PAQR7: variants seen among roughly 807,000 people sequenced by gnomAD.
PAQR7 encodes the protein progestin and adipoQ receptor family member 7.
Under a neutral mutation model 24.6 loss-of-function variants are expected in PAQR7, and 14 were observed. That is an observed-to-expected ratio of 0.57 (90% CI 0.38 to 0.89). The LOEUF is 0.89. PAQR7 is among the 40% of genes least tolerant of loss of function. The pLI, the probability that PAQR7 is intolerant of heterozygous loss-of-function variation, is 0.00. For synonymous variants in PAQR7, 189 were observed against 198.8 expected (o/e 0.95, Z 0.42); for missense variants, 351 against 444.0 (o/e 0.79, Z 1.88).
At chr1:25,875,000 C>T (rs1429266815) in intron 1 of PAQR7, among the ~76,000 whole-genome samples, 2 of 152,210 alleles carry the variant, frequency 1.3e-5, no homozygotes, top group African/African-American at 2.4e-5. Flanking sequence ...CCCTTCCTGT[C>T]CCGGTCTCAC....
At chr1:25,871,652 TAC>T (rs1192994252) in intron 1 of PAQR7, among the ~76,000 whole-genome samples, 3 of 152,068 alleles carry the variant, frequency 2.0e-5, no homozygotes, top group Non-Finnish European at 4.4e-5. Context: ...TCTCCAAGGA[TAC>T]ACACTGTCAA....
intron 2 of PAQR7, among the ~76,000 whole-genome samples, chr1:25,865,701 G>A (rs1363214223): frequency 1.3e-5 from 2 of 152,158 alleles, no homozygotes; most frequent in African/African-American, 2.4e-5. Flanking sequence ...CCAGCTACTC[G>A]GGAGCTGAGG....
chr1:25,868,190 CTT>C (rs2048573327), intron 2 of PAQR7, among the ~76,000 whole-genome samples: 3 of 152,204 alleles, frequency 2.0e-5, no homozygotes, highest in Admixed American at 6.5e-5. Flanking sequence ...GGGCAACTCT[CTT>C]GTTTTACACT....
At chr1:25,870,060 T>C (rs979131689) in intron 2 of PAQR7, among the ~76,000 whole-genome samples, 1 of 152,052 alleles carries the variant, frequency 6.6e-6, no homozygotes, top group Non-Finnish European at 1.5e-5. Context: ...CCTGACTCCA[T>C]GGAAAGGGAC....
intron 2 of PAQR7, among the ~76,000 whole-genome samples, chr1:25,867,755 C>A (rs1373485992): frequency 2.6e-5 from 4 of 152,242 alleles, no homozygotes; most frequent in African/African-American, 9.6e-5. Flanking sequence ...ACCCCACCCC[C>A]ACAAGCCCAC....
intron 2 of PAQR7, among the ~76,000 whole-genome samples, chr1:25,869,257 G>A (rs540822567): frequency 3.3e-5 from 5 of 151,658 alleles, no homozygotes; most frequent in African/African-American, 7.3e-5. Context: ...TTGTTGTTGC[G>A]GATAATGAAA....
chr1:25,863,706 G>GGCTTCCAGAAGA lies in PAQR7; in HGVS notation c.122_133dup (p.Leu41_Lys44dup). ...CGGCCGGTAGCCCGCATAGATGTAC[G>GGCTTCCAGAAGA]GCTTCCAGAAGAGCGGCGGCACCTC... On this transcript the variant is annotated inframe_insertion, in exon 3 of 3. Coordinates refer to ENST00000675840, the MANE Select transcript of PAQR7 (RefSeq NM_178422.6). This position sits in a 1 kb window ranked among gnomAD's most constrained non-coding sequence, Gnocchi z 6.1. 1 of 1,614,160 alleles carries GGCTTCCAGAAGA rather than the reference G, an allele frequency of 6.2e-7. No individual in the cohort carries two copies. The highest frequency in any genetic ancestry group is 1.1e-5 in the South Asian group (1 of 91,080).
intron 2 of PAQR7, among the ~76,000 whole-genome samples, chr1:25,864,091 G>A (rs1043164979): frequency 6.6e-6 from 1 of 152,154 alleles, no homozygotes; most frequent in Non-Finnish European, 1.5e-5. Context: ...CACATAGTAG[G>A]TGCTCAATAA....
chr1:25,874,642 C>T (rs1360874015), intron 1 of PAQR7, among the ~76,000 whole-genome samples: 1 of 152,186 alleles, frequency 6.6e-6, no homozygotes, highest in East Asian at 1.9e-4. Context: ...CTGGGCTGTC[C>T]ACCCAGGAGC....
At chr1:25,868,403 C>T (rs1195612640) in intron 2 of PAQR7, among the ~76,000 whole-genome samples, 1 of 152,148 alleles carries the variant, frequency 6.6e-6, no homozygotes, top group Non-Finnish European at 1.5e-5. Flanking sequence ...CAAGATATAA[C>T]AGCACATTAA....
chr1:25,865,013 A>G (rs2048544986), intron 2 of PAQR7, among the ~76,000 whole-genome samples: 2 of 151,992 alleles, frequency 1.3e-5, no homozygotes, highest in Admixed American at 1.3e-4. Context: ...AAATTTAGCC[A>G]GGTGAGGTGG....
intron 1 of PAQR7, among the ~76,000 whole-genome samples, chr1:25,873,545 A>G (rs2048621563): frequency 6.6e-6 from 1 of 150,970 alleles, no homozygotes; most frequent in African/African-American, 2.4e-5. Flanking sequence ...ACCTCCATGT[A>G]TTTGTACTGG....
intron 1 of PAQR7, among the ~76,000 whole-genome samples, chr1:25,873,721 A>C (rs973226101): frequency 2.0e-5 from 3 of 151,718 alleles, no homozygotes; most frequent in Non-Finnish European, 2.9e-5. Flanking sequence ...CAGGCACACA[A>C]CACCACGCCT....
chr1:25,863,834 G>A lies in PAQR7; in HGVS notation c.6C>T (p.Ala2=). The A allele has an allele frequency of 8.1e-6, 13 of 1,610,482 alleles. No individual in the cohort carries two copies. The highest frequency in any genetic ancestry group is 1.1e-5 in the Non-Finnish European group (13 of 1,178,126). ...GGAGGTGGCTGAGTTTCTGGGCCATGGCCATGGCTGTGGGCCTGGGCAGGG... is the reference window on the plus strand; with the variant it reads ...GGAGGTGGCTGAGTTTCTGGGCCATAGCCATGGCTGTGGGCCTGGGCAGGG... M[A]MAQKLSHLLP... The change falls in exon 3 of 3, where the codon GCC becomes GCT. Residue 2 remains alanine (A), a synonymous_variant. Transcript: ENST00000675840. This position sits in a 1 kb window ranked among gnomAD's most constrained non-coding sequence, Gnocchi z 6.1.
At chr1:25,869,322 A>G (rs2048584153) in intron 2 of PAQR7, among the ~76,000 whole-genome samples, 2 of 152,140 alleles carry the variant, frequency 1.3e-5, no homozygotes, top group Non-Finnish European at 2.9e-5. Flanking sequence ...CTGTAATCCC[A>G]GCTCACTGGG....
At position 25,863,906 on chromosome 1, in the gene PAQR7, C is replaced by A; in HGVS notation, c.-22-45G>T. The A allele has an allele frequency of 2.7e-6, 4 of 1,465,432 alleles. No homozygotes were observed. Among genetic ancestry groups the A allele is most frequent in the Non-Finnish European group, 2.7e-6 (3 of 1,091,430 alleles). The allele number at this position is 1,465,432 out of a possible 1,614,324, so 90.8% of individuals were successfully genotyped here. A position where few individuals can be genotyped will look rare whatever the true frequency, so the allele number is the denominator to read the frequency against. On this transcript the variant is annotated intron_variant, in intron 2 of 2. Transcript: ENST00000675840. The surrounding 1 kb of genome is among the most constrained non-coding windows in gnomAD (Gnocchi z 6.1). ...AAAGTCAGGGGCCTGGTGTCCTCAC[C>A]CCCACGAGCAGCAGCTGGGGGGCTC...
At chr1:25,872,692 G>A (rs576340710) in intron 1 of PAQR7, among the ~76,000 whole-genome samples, 8 of 152,052 alleles carry the variant, frequency 5.3e-5, no homozygotes, top group Admixed American at 1.3e-4. Context: ...TAAATTATGT[G>A]TAGAGACGAG....
At chr1:25,873,883 T>C (rs2048624553) in intron 1 of PAQR7, among the ~76,000 whole-genome samples, 1 of 152,130 alleles carries the variant, frequency 6.6e-6, no homozygotes, top group Admixed American at 6.5e-5. Flanking sequence ...ATTCTTTTCT[T>C]TTCTTTTTTT....
rs1313222646 is a variant in PAQR7, at chr1:25,863,045, A to G, written c.795T>C (p.Pro265=). Residue 265 remains proline (P), a synonymous_variant, in exon 3 of 3, where the codon CCT becomes CCC. Transcript: ENST00000675840. This position sits in a 1 kb window ranked among gnomAD's most constrained non-coding sequence, Gnocchi z 6.1. ...FSTFMPERWF[P]GSCHVFGQGH... is the part of the protein sequence containing the mutation. ...CCTGCCCGAAGACATGGCAGCTGCCAGGGAACCAGCGCTCGGGCATGAAGG... is the reference window on the plus strand; with the variant it reads ...CCTGCCCGAAGACATGGCAGCTGCCGGGGAACCAGCGCTCGGGCATGAAGG... 1 of 1,614,134 alleles carries G rather than the reference A, an allele frequency of 6.2e-7. No individual in the cohort carries two copies. Among genetic ancestry groups the G allele is most frequent in the Non-Finnish European group, 8.5e-7 (1 of 1,180,052 alleles).
Sources: gnomAD v4.1 joint callset for allele counts (sites outside exome capture counted in the v4.1 genomes callset) on GRCh38, gnomAD v4.1.1 for gene constraint, Gnocchi (gnomAD v3.1) non-coding constraint, MANE v1.5 for transcripts, NCBI Gene and HGNC (gene_info 2026-07-23, HGNC 2026-07-21) for gene names.